The following NDUFAF6 variants were observed in gnomAD, a reference collection of about 807,000 sequenced individuals.
NDUFAF6 encodes NADH dehydrogenase (ubiquinone) complex I, assembly factor 6.
A neutral mutation model predicts 40.8 loss-of-function variants in NDUFAF6; 45 were observed. The ratio of observed to expected loss-of-function variants is 1.10; its 90% CI spans 0.87 to 1.42. NDUFAF6 has a LOEUF of 1.42. NDUFAF6 is among the 40% of genes most tolerant of loss of function. The pLI, the probability that NDUFAF6 is intolerant of heterozygous loss-of-function variation, is 0.00. For missense variants in NDUFAF6, 435 were observed against 418.5 expected, an observed-to-expected ratio of 1.04 and a Z score of -0.34; for synonymous variants, 185 against 155.9, an observed-to-expected ratio of 1.19 and a Z score of -1.39.
At chr8:95,022,353 A>AT (rs569043230), upstream of NDUFAF6, among the ~76,000 whole-genome samples, 27 of 151,836 alleles carry the variant, frequency 1.8e-4, no homozygotes, top group Middle Eastern at 6.8e-3. Flanking sequence ...TAGCCCTACT[A>AT]GATATCTATG....
At chr8:94,898,685 C>A (rs909564028) in intron 1 of NDUFAF6, among the ~76,000 whole-genome samples, 1 of 152,100 alleles carries the variant, frequency 6.6e-6, no homozygotes, top group African/African-American at 2.4e-5. Context: ...CAGCCCACAC[C>A]TAAGGAGTGA....
chr8:95,097,019 C>A (rs143124148), upstream of NDUFAF6, among the ~76,000 whole-genome samples: 1 of 152,174 alleles, frequency 6.6e-6, no homozygotes, highest in South Asian at 2.1e-4. Context: ...GGGATCCTAC[C>A]CAATGAGGCC....
intron 2 of NDUFAF6, among the ~76,000 whole-genome samples, chr8:95,095,085 G>T (rs953170801): frequency 2.0e-5 from 3 of 151,882 alleles, no homozygotes; most frequent in Non-Finnish European, 2.9e-5. Context: ...ACCTAAGTCT[G>T]TTGGCACTCA....
At chr8:94,911,582 T>A (rs553964342) in intron 1 of NDUFAF6, among the ~76,000 whole-genome samples, 6 of 152,208 alleles carry the variant, frequency 3.9e-5, no homozygotes, top group Non-Finnish European at 7.3e-5. Flanking sequence ...AATCACTGTT[T>A]CTCCCTTTAA....
At position 95,045,623 on chromosome 8, in the gene NDUFAF6, CTTT is replaced by C. The variant is rs753367800; in HGVS notation, c.557_559del (p.Leu186_Tyr187delinsHis). 18 of 1,612,630 alleles carry C rather than the reference CTTT, an allele frequency of 1.1e-5. No individual in the cohort carries two copies. Among genetic ancestry groups the C allele is most frequent in the Non-Finnish European group, 1.5e-5 (18 of 1,179,028 alleles). On this transcript the variant is annotated inframe_deletion, in exon 5 of 9. Coordinates refer to ENST00000396124, the MANE Select transcript of NDUFAF6 (RefSeq NM_152416.4). ...TGCTGAAAACACACAGAGCTCTCTT[CTTT>C]ACTTAACACTAGAAATATTGGGTAA...
chr8:95,007,666 T>TG (rs1300265528), intron 2 of NDUFAF6, among the ~76,000 whole-genome samples: 39 of 146,622 alleles, frequency 2.7e-4, no homozygotes, highest in African/African-American at 1.0e-3. Context: ...TCTGTTTTTT[T>TG]TTTTTTTTTT....
At chr8:95,091,674 C>A (rs1039917951) in intron 2 of NDUFAF6, among the ~76,000 whole-genome samples, 2 of 151,674 alleles carry the variant, frequency 1.3e-5, no homozygotes, top group Non-Finnish European at 2.9e-5. Context: ...GAGACAGAGT[C>A]CTGCACCCAT....
upstream of NDUFAF6, among the ~76,000 whole-genome samples, chr8:94,956,798 T>C (rs1399831913): frequency 6.6e-6 from 1 of 152,130 alleles, no homozygotes; most frequent in Non-Finnish European, 1.5e-5. Context: ...GGCTGCTTAG[T>C]GGACTGATGT....
At chr8:94,970,022 C>T (rs1052141411) in intron 1 of NDUFAF6, among the ~76,000 whole-genome samples, 2 of 151,902 alleles carry the variant, frequency 1.3e-5, no homozygotes, top group African/African-American at 2.4e-5. Context: ...TTTGGGAGGC[C>T]GAGGCAGGCG....
chr8:94,990,081 A>G (rs1013519186), intron 2 of NDUFAF6, among the ~76,000 whole-genome samples: 2 of 152,116 alleles, frequency 1.3e-5, no homozygotes, highest in Non-Finnish European at 2.9e-5. Context: ...GATTCACTCT[A>G]TCTTCTACTA....
Position 94,929,711 on chromosome 8 carries a change from G to C in NDUFAF6, c.-935-15772G>C, listed in dbSNP as rs925791111. 14 of 152,304 alleles carry C rather than the reference G, an allele frequency of 9.2e-5. No homozygotes were observed. The East Asian group carries it at 2.3e-3, about 25-fold the overall frequency. The allele number at this position is 152,304 out of a possible 1,614,324, so 9.4% of individuals were successfully genotyped here. ...GTAACAAATTAAATACTGCACTAATGGGTTAGTTACAGACATGAATTTTTC... is the reference window on the plus strand; with the variant it reads ...GTAACAAATTAAATACTGCACTAATCGGTTAGTTACAGACATGAATTTTTC... On this transcript the variant is annotated intron_variant, in intron 1 of 14. Coordinates refer to the NDUFAF6 transcript ENST00000396113.
At chr8:94,899,550 G>A (rs1397417621) in intron 1 of NDUFAF6, among the ~76,000 whole-genome samples, 2 of 152,106 alleles carry the variant, frequency 1.3e-5, no homozygotes, top group East Asian at 3.8e-4. Context: ...GTCATTCCTG[G>A]TTTATAAATG....
chr8:94,981,965 C>A (rs1825482733), intron 2 of NDUFAF6, among the ~76,000 whole-genome samples: 1 of 150,860 alleles, frequency 6.6e-6, no homozygotes, highest in African/African-American at 2.4e-5. Flanking sequence ...CGCGGTGGCT[C>A]ACGCCTGTAA....
At chr8:95,027,137 A>G (rs1191009410) in intron 1 of NDUFAF6, among the ~76,000 whole-genome samples, 2 of 152,230 alleles carry the variant, frequency 1.3e-5, no homozygotes, top group East Asian at 3.8e-4. Flanking sequence ...TACTGTATTT[A>G]CAAATGGTCA....
chr8:94,985,515 ATTTTTTTTTTTTTTTTTT>A (rs1200345448), intron 2 of NDUFAF6, among the ~76,000 whole-genome samples: 14 of 6,496 alleles, frequency 2.2e-3, no homozygotes, highest in Admixed American at 3.3e-3. Context: ...ATATATATAT[ATTTTTTTTTTTTTTTTTT>A]TTTTTTTTTT....
At chr8:94,995,829 T>G (rs145556507) in intron 2 of NDUFAF6, among the ~76,000 whole-genome samples, 1,539 of 152,196 alleles carry the variant, frequency 0.01, 27 homozygotes, top group African/African-American at 0.035. Flanking sequence ...CCAGGCTGGA[T>G]TGCAGTGGTG....
intron 1 of NDUFAF6, among the ~76,000 whole-genome samples, chr8:94,976,401 G>T (rs1438732319): frequency 9.0e-6 from 1 of 111,136 alleles, no homozygotes; most frequent in Non-Finnish European, 2.2e-5. Flanking sequence ...CTACTTGGGT[G>T]GCTGAGTTAC....
Position 95,058,165 on chromosome 8 carries a change from G to A in NDUFAF6, c.*228G>A. The A allele has an allele frequency of 7.0e-7, 1 of 1,429,880 alleles. No homozygotes were observed. Among genetic ancestry groups the A allele is most frequent in the Non-Finnish European group, 9.1e-7 (1 of 1,101,810 alleles). 88.6% of individuals were successfully genotyped at this position (1,429,880 alleles called of 1,614,324 possible). ...ACCCCTGGCCCAGACAGTGTCTGCTGTGCTGTCCCTGGAAGCTGGAGCTCC... is the reference window on the plus strand; with the variant it reads ...ACCCCTGGCCCAGACAGTGTCTGCTATGCTGTCCCTGGAAGCTGGAGCTCC... On this transcript the variant is annotated 3_prime_UTR_variant, in exon 9 of 9. Transcript: ENST00000396124.
At chr8:95,070,719 C>T (rs554043512) in intron 9 of NDUFAF6, among the ~76,000 whole-genome samples, 4 of 152,266 alleles carry the variant, frequency 2.6e-5, no homozygotes, top group South Asian at 4.1e-4. Context: ...AAACCATTAA[C>T]GTCACACATA....
Sources: gnomAD v4.1 joint callset for allele counts (sites outside exome capture counted in the v4.1 genomes callset) on GRCh38, gnomAD v4.1.1 for gene constraint, MANE v1.5 for transcripts, NCBI Gene and HGNC (gene_info 2026-07-23, HGNC 2026-07-21) for gene names.